AKT1S1: variants seen among roughly 807,000 people sequenced by gnomAD.
AKT1S1 encodes the protein proline-rich AKT1 substrate 1.
In AKT1S1, 17 loss-of-function variants were observed where a neutral mutation model predicts 21.2. That is an observed-to-expected ratio of 0.80 (90% CI 0.55 to 1.20). AKT1S1 has a LOEUF of 1.20. Among genes scored for constraint, AKT1S1 ranks in the 50% most tolerant of loss-of-function variants. The probability of loss-of-function intolerance (pLI) is 0.00; values close to 1 mark genes in which losing one functional copy is unlikely to be tolerated. For missense variants in AKT1S1, 366 were observed against 368.3 expected (o/e 0.99, Z 0.05); for synonymous variants, 181 against 165.6 (o/e 1.09, Z -0.72).
At chr19:49,870,107 C>A in intron 4 of AKT1S1, 47 bp from the exon 5 acceptor site, 1 of 1,453,528 alleles carries the variant, frequency 6.9e-7, no homozygotes, top group Non-Finnish European at 9.1e-7. Flanking sequence ...AGGGCAATCC[C>A]CCTGCACCCA....
At chr19:49,877,461 T>C (rs1274577770), upstream of AKT1S1, 7 of 510,910 alleles carry the variant, frequency 1.4e-5, no homozygotes, top group South Asian at 2.6e-5. Flanking sequence ...ACTTGTTTAC[T>C]TCGTGGCGAG....
chr19:49,872,617 C>G (rs930547943), intron 2 of AKT1S1, among the ~76,000 whole-genome samples: 1 of 152,194 alleles, frequency 6.6e-6, no homozygotes, highest in Non-Finnish European at 1.5e-5. Flanking sequence ...CAACCCCCAC[C>G]GGGACTCCAG....
chr19:49,872,819 T>C (rs2122376303), intron 2 of AKT1S1, 98 bp downstream of exon 2: 2 of 1,386,072 alleles, frequency 1.4e-6, no homozygotes, highest in South Asian at 1.4e-5. Flanking sequence ...TGCACTTCTG[T>C]AGAAGTACTC....
At chr19:49,875,329 G>T (rs1364496002) in intron 1 of AKT1S1, 1 of 142,838 alleles carries the variant, frequency 7.0e-6, no homozygotes, top group African/African-American at 2.7e-5. Context: ...TGGCAAAAAA[G>T]CACACAGCTA....
intron 1 of AKT1S1, chr19:49,874,007 A>G (rs955601582): frequency 3.3e-5 from 5 of 152,302 alleles, no homozygotes; most frequent in African/African-American, 9.6e-5. Context: ...ACTCCTCGCC[A>G]TAGTCCTCAG....
Position 49,869,748 on chromosome 19 carries a change from T to G in AKT1S1, c.*169A>C. 2.6e-6 allele frequency: 2 copies of G among 763,476 alleles called. No individual in the cohort carries two copies. Among genetic ancestry groups the G allele is most frequent in the South Asian group, 2.9e-5 (1 of 35,044 alleles). 47.3% of individuals were successfully genotyped at this position (763,476 alleles called of 1,614,324 possible). On this transcript the variant is annotated 3_prime_UTR_variant, in exon 5 of 5. Coordinates refer to ENST00000344175, the MANE Select transcript of AKT1S1 (RefSeq NM_001098633.4). ...AGATGCCGCTCCTCGGCGCGGCAGGTCGTGGGCTGGAAGGACGGCGGGGAT... is the reference window on the plus strand; with the variant it reads ...AGATGCCGCTCCTCGGCGCGGCAGGGCGTGGGCTGGAAGGACGGCGGGGAT...
intron 1 of AKT1S1, chr19:49,876,665 T>G (rs1600437915): frequency 6.7e-7 from 1 of 1,490,530 alleles, no homozygotes; most frequent in East Asian, 2.8e-5. Flanking sequence ...TGGCGGCGCC[T>G]TGCGTCACGT....
chr19:49,871,449 A>G (rs2074882106), intron 4 of AKT1S1, 98 bp downstream of exon 4: 1 of 1,505,784 alleles, frequency 6.6e-7, no homozygotes, highest in Admixed American at 1.7e-5. Context: ...CAGTTAGCTT[A>G]TGGGTGGAAA....
Position 49,871,669 on chromosome 19 carries a change from C to T in AKT1S1, c.505G>A (p.Val169Met). Residue 169 changes from valine (V) to methionine (M), a missense_variant, in exon 4 of 5, where the codon GTG becomes ATG. Physicochemically the swap from Val to Met is conservative, Grantham distance 21 (BLOSUM62 1). Transcript: ENST00000344175. ...GTGGGTAGGGCTGAGGCTGGGGGCA[C>T]TGAGCAGGTGGGGGGGCCGGCGGGG... ...ETPAGPPTCS[V>M]PPASALPTQQ... The T allele has an allele frequency of 1.2e-6, 2 of 1,613,862 alleles. No homozygotes were observed. Among genetic ancestry groups the T allele is most frequent in the Non-Finnish European group, 1.7e-6 (2 of 1,179,984 alleles).
Position 49,873,445 on chromosome 19 carries a change from A to C in AKT1S1, c.-7-143T>G. ...CAGCGGTGCTGTGTGTCCTCCCCAA[A>C]CCTGCTACTCCCCAGGATTCTCACC... On this transcript the variant is annotated intron_variant, in intron 1 of 4. Coordinates refer to ENST00000344175, the MANE Select transcript of AKT1S1 (RefSeq NM_001098633.4). This position sits in a 1 kb window ranked among gnomAD's most constrained non-coding sequence, Gnocchi z 6.9. 3 of 1,315,236 alleles carry C rather than the reference A, an allele frequency of 2.3e-6. No homozygotes were observed. The highest frequency in any genetic ancestry group is 2.9e-6 in the Non-Finnish European group (3 of 1,025,540). The allele number at this position is 1,315,236 out of a possible 1,614,324, so 81.5% of individuals were successfully genotyped here. A position where few individuals can be genotyped will look rare whatever the true frequency, so the allele number is the denominator to read the frequency against.
intron 1 of AKT1S1, chr19:49,876,984 T>TA (rs1180815860): frequency 1.5e-5 from 5 of 322,996 alleles, no homozygotes; most frequent in African/African-American, 1.1e-4. Context: ...CAACCGGGCT[T>TA]AATCAGCCCA....
chr19:49,872,712 G>T (rs565473578), intron 2 of AKT1S1, among the ~76,000 whole-genome samples: 1 of 152,186 alleles, frequency 6.6e-6, no homozygotes, highest in East Asian at 1.9e-4. Context: ...GCACAGAGCT[G>T]GCCCCAGGAC....
chr19:49,872,853 G>A (rs897422540), intron 2 of AKT1S1, 64 bp downstream of exon 2: 48 of 1,529,532 alleles, frequency 3.1e-5, no homozygotes, highest in East Asian at 1.4e-4. Flanking sequence ...CCCCCACCCC[G>A]ACAAAGCCTC....
At position 49,869,500 on chromosome 19, in the gene AKT1S1, G is replaced by A. The variant is rs1188904445; in HGVS notation, c.*417C>T. The A allele has an allele frequency of 1.3e-5, 2 of 157,870 alleles. No homozygotes were observed. Among genetic ancestry groups the A allele is most frequent in the African/African-American group, 4.8e-5 (2 of 41,676 alleles). The allele number at this position is 157,870 out of a possible 1,614,324, so 9.8% of individuals were successfully genotyped here. ...CTCAGGAAAAGCGGACGGTGACTAT[G>A]TAGAGACTGGTCAAGCCCTTTACAG... On this transcript the variant is annotated 3_prime_UTR_variant, in exon 5 of 5. Transcript: ENST00000344175.
chr19:49,876,811 G>C (rs1177823944), intron 1 of AKT1S1: 4 of 798,846 alleles, frequency 5.0e-6, no homozygotes, highest in Non-Finnish European at 5.4e-6. Flanking sequence ...AAGAAAAATG[G>C]CCCCGCCTAG....
chr19:49,876,706 A>G, intron 1 of AKT1S1: 2 of 1,423,752 alleles, frequency 1.4e-6, no homozygotes. Flanking sequence ...CTCTCCGCAC[A>G]CTCCGCCTCC....
At chr19:49,875,890 G>T (rs1278369918) in intron 1 of AKT1S1, 2 of 985,318 alleles carry the variant, frequency 2.0e-6, no homozygotes, top group Non-Finnish European at 2.4e-6. Flanking sequence ...GCTTCTAGAG[G>T]AGGTCCTGTT....
intron 1 of AKT1S1, chr19:49,874,381 A>C (rs1017910330): frequency 4.6e-5 from 7 of 152,258 alleles, no homozygotes; most frequent in African/African-American, 1.7e-4. Flanking sequence ...TTTTCCTACA[A>C]GACTGTTCTG....
In AKT1S1 at chr19:49,873,096, A is replaced by C; in HGVS notation, c.200T>G (p.Leu67Arg). 2 of 1,548,988 alleles carry C rather than the reference A, an allele frequency of 1.3e-6. No homozygotes were observed. Among genetic ancestry groups the C allele is most frequent in the Admixed American group, 3.9e-5 (2 of 51,586 alleles). The change falls in exon 2 of 5, where the codon CTG (leucine) becomes CGG (arginine). Residue 67 changes from leucine to arginine, a missense_variant. Coordinates refer to ENST00000344175, the MANE Select transcript of AKT1S1 (RefSeq NM_001098633.4). This position sits in a 1 kb window ranked among gnomAD's most constrained non-coding sequence, Gnocchi z 6.9. ...AGCAGCAGTGGCAGCCCTGTGGGCC[A>C]GTGCGATGTCGTGGAGGCAACGGCG... ...AARRCLHDIA[L>R]AHRAATAARP...
Sources: allele counts gnomAD v4.1 joint callset (sites outside exome capture counted in the v4.1 genomes callset), GRCh38; gene constraint gnomAD v4.1.1; non-coding constraint Gnocchi (gnomAD v3.1); transcripts MANE v1.5; gene names NCBI Gene and HGNC (gene_info 2026-07-23, HGNC 2026-07-21).